Variants in FAM200B observed in about 807,000 individuals in gnomAD.
FAM200B encodes the protein protein FAM200B.
Under a neutral mutation model 33.1 loss-of-function variants are expected in FAM200B, and 32 were observed. The ratio of observed to expected loss-of-function variants is 0.97; its 90% CI spans 0.73 to 1.30. FAM200B has a LOEUF of 1.30. Among genes scored for constraint, FAM200B ranks in the 50% most tolerant of loss-of-function variants. FAM200B has a pLI of 0.00. For synonymous variants in FAM200B, 240 were observed against 264.8 expected, an observed-to-expected ratio of 0.91 and a Z score of 0.91; for missense variants, 741 against 754.0, an observed-to-expected ratio of 0.98 and a Z score of 0.20.
chr4:15,680,744 A>T (rs1718212170), upstream of FAM200B, among the ~76,000 whole-genome samples: 1 of 152,082 alleles, frequency 6.6e-6, no homozygotes, highest in Non-Finnish European at 1.5e-5. Flanking sequence ...TAATCCTACA[A>T]GAAGTAAGTA....
the FAM200B span, among the ~76,000 whole-genome samples, chr4:15,642,744 T>G: frequency 3.1e-4 from 47 of 152,182 alleles, no homozygotes; most frequent in Admixed American, 3.1e-3. Context: ...TTTTTCATAC[T>G]GGGTCACTCT....
At chr4:15,675,496 A>C in the FAM200B span, among the ~76,000 whole-genome samples, 1 of 151,184 alleles carries the variant, frequency 6.6e-6, no homozygotes, top group African/African-American at 2.4e-5. Context: ...TAGCTACCAC[A>C]CAGGCAGTGC....
At chr4:15,676,486 G>T in the FAM200B span, among the ~76,000 whole-genome samples, 1 of 152,054 alleles carries the variant, frequency 6.6e-6, no homozygotes, top group Non-Finnish European at 1.5e-5. Context: ...GAGAGACAAA[G>T]ATATATCAAT....
the FAM200B span, among the ~76,000 whole-genome samples, chr4:15,657,647 A>T: frequency 6.6e-6 from 1 of 152,264 alleles, no homozygotes; most frequent in Non-Finnish European, 1.5e-5. Flanking sequence ...AAGTGATTTT[A>T]AAAATAATCC....
chr4:15,676,701 G>T (rs538539237), upstream of FAM200B, among the ~76,000 whole-genome samples: 14 of 152,030 alleles, frequency 9.2e-5, no homozygotes, highest in African/African-American at 3.4e-4. Flanking sequence ...ACGGGGGGGA[G>T]GGGGAGGACT....
chr4:15,638,513 T>C, the FAM200B span: 1 of 1,590,446 alleles, frequency 6.3e-7, no homozygotes, highest in East Asian at 2.2e-5. Flanking sequence ...CTCACCTTTA[T>C]CTGACTTTTC....
the FAM200B span, among the ~76,000 whole-genome samples, chr4:15,672,156 T>G: frequency 1.3e-5 from 2 of 152,210 alleles, no homozygotes; most frequent in Non-Finnish European, 2.9e-5. Flanking sequence ...TTTAAACACT[T>G]GTTAGGCAAG....
chr4:15,662,391 A>G, the FAM200B span, among the ~76,000 whole-genome samples: 2 of 152,216 alleles, frequency 1.3e-5, no homozygotes, highest in Admixed American at 1.3e-4. Flanking sequence ...ATAAACTATG[A>G]AAAAGAGTAA....
In FAM200B at chr4:15,688,346, G is replaced by T; in HGVS notation, c.1369G>T (p.Val457Phe). ...GAAAAACAGTGATGTATTCCAACAT[G>T]TTGAACGTATCCAGGGATTTCGAAA... ...QGKNSDVFQH[V>F]ERIQGFRKTL... Residue 457 changes from valine (V) to phenylalanine (F), a missense_variant, in exon 2 of 2, where the codon GTT (valine) becomes TTT (phenylalanine). Val to Phe is a conservative substitution (Grantham distance 50). Coordinates refer to ENST00000422728, the MANE Select transcript of FAM200B (RefSeq NM_001145191.2). 1 of 1,550,170 alleles carries T rather than the reference G, an allele frequency of 6.5e-7. No homozygotes were observed. The highest frequency in any genetic ancestry group is 8.7e-7 in the Non-Finnish European group (1 of 1,145,710).
the FAM200B span, chr4:15,640,890 AC>A: frequency 7.2e-7 from 1 of 1,380,572 alleles, no homozygotes; most frequent in Non-Finnish European, 9.7e-7. Flanking sequence ...CATTCTGGAA[AC>A]CAAAAAAAAA....
chr4:15,641,326 T>G, the FAM200B span, among the ~76,000 whole-genome samples: 45 of 152,212 alleles, frequency 3.0e-4, no homozygotes, highest in African/African-American at 1.1e-3. Context: ...GCGGGTTCAC[T>G]TAATTACCGA....
At chr4:15,660,782 A>G in the FAM200B span, among the ~76,000 whole-genome samples, 1 of 152,224 alleles carries the variant, frequency 6.6e-6, no homozygotes, top group Non-Finnish European at 1.5e-5. Context: ...CAGATAAGTC[A>G]GTCTAGAGTT....
chr4:15,656,307 C>T, the FAM200B span: 7 of 456,224 alleles, frequency 1.5e-5, no homozygotes, highest in African/African-American at 1.2e-4. Flanking sequence ...TCTCTGCTCA[C>T]GCCGGTCAGT....
At chr4:15,673,795 A>G in the FAM200B span, among the ~76,000 whole-genome samples, 2 of 152,166 alleles carry the variant, frequency 1.3e-5, no homozygotes, top group East Asian at 3.9e-4. Context: ...TGGTTTCACC[A>G]GGCTCCAGGC....
chr4:15,683,435 A>G (rs1718537882), intron 1 of FAM200B, among the ~76,000 whole-genome samples: 1 of 152,206 alleles, frequency 6.6e-6, no homozygotes, highest in Non-Finnish European at 1.5e-5. Flanking sequence ...ATATCTTTTT[A>G]ATACAATAGT....
chr4:15,654,731 G>C, the FAM200B span, among the ~76,000 whole-genome samples: 2 of 152,238 alleles, frequency 1.3e-5, no homozygotes, highest in African/African-American at 4.8e-5. Context: ...GAGGATGGGT[G>C]GGTGTCTGCA....
At chr4:15,644,428 T>G in the FAM200B span, 1 of 1,288,466 alleles carries the variant, frequency 7.8e-7, no homozygotes, top group Non-Finnish European at 1.1e-6. Context: ...GTGACAAGTT[T>G]TGCCAATGAT....
intron 1 of FAM200B, among the ~76,000 whole-genome samples, chr4:15,682,983 C>T (rs769042284): frequency 3.5e-4 from 53 of 152,268 alleles, no homozygotes; most frequent in Non-Finnish European, 6.9e-4. Context: ...ACAAGCTCGG[C>T]GCCATTAAAT....
the FAM200B span, among the ~76,000 whole-genome samples, chr4:15,656,700 G>A: frequency 6.7e-6 from 1 of 150,026 alleles, no homozygotes; most frequent in South Asian, 2.1e-4. Context: ...CAAGCTATAT[G>A]ACTTCTTTAT....
Sources: allele counts gnomAD v4.1 joint callset (sites outside exome capture counted in the v4.1 genomes callset), GRCh38; gene constraint gnomAD v4.1.1; transcripts MANE v1.5; gene names NCBI Gene and HGNC (gene_info 2026-07-23, HGNC 2026-07-21).